Variants in CXCL13 observed in about 807,000 individuals in gnomAD.
CXCL13 encodes the protein C-X-C motif chemokine ligand 13.
In CXCL13, 7 loss-of-function variants were observed where a neutral mutation model predicts 12.2. That is an observed-to-expected ratio of 0.57 (90% CI 0.33 to 1.07). The LOEUF (loss-of-function observed/expected upper bound fraction) is 1.07. Ranked by LOEUF, CXCL13 falls within the 50% of genes least tolerant of loss-of-function variation. CXCL13 has a pLI of 0.04. For synonymous variants in CXCL13, 47 were observed against 42.4 expected (o/e 1.11, Z -0.42); for missense variants, 113 against 127.4 (o/e 0.89, Z 0.55).
At position 77,531,025 on chromosome 4, in the gene CXCL13, G is replaced by T. The variant is rs112850171; in HGVS notation, c.-43+19237G>T. Among the ~76,000 whole-genome samples the T allele has an allele frequency of 3.3e-5, 5 of 151,060 alleles. No individual in the cohort carries two copies. In the South Asian group the frequency reaches 8.4e-4, roughly 25 times the overall value. On this transcript the variant is annotated intron_variant, in intron 1 of 4. Transcript: ENST00000286758. ...ACATCCTTATTTCTGCCTTCATTTC[G>T]TTATGTACCCAGTAGTCATTCAGGA... is the stretch of plus-strand genomic sequence containing the variant.
chr4:77,611,664 T>C lies in CXCL13; in HGVS notation c.*625T>C. 1 of 398,888 alleles carries C rather than the reference T, an allele frequency of 2.5e-6. No homozygotes were observed. The highest frequency in any genetic ancestry group is 4.4e-6 in the Non-Finnish European group (1 of 226,050). 24.7% of individuals were successfully genotyped at this position (398,888 alleles called of 1,614,324 possible). On this transcript the variant is annotated 3_prime_UTR_variant, in exon 4 of 4. Transcript: ENST00000682537. Reference sequence around the variant, plus strand: ...CTCAGGGAAAGCATTTAAAGGGTGATGTACACATGTATCCTTTCACACATT... The same window carrying C: ...CTCAGGGAAAGCATTTAAAGGGTGACGTACACATGTATCCTTTCACACATT...
intron 1 of CXCL13, among the ~76,000 whole-genome samples, chr4:77,567,080 C>T (rs1725957980): frequency 6.6e-6 from 1 of 152,190 alleles, no homozygotes; most frequent in East Asian, 1.9e-4. Context: ...ACAATACACC[C>T]TCTCCACCCT....
chr4:77,561,672 G>T (rs1465096968), intron 1 of CXCL13, among the ~76,000 whole-genome samples: 1 of 152,198 alleles, frequency 6.6e-6, no homozygotes, highest in Non-Finnish European at 1.5e-5. Flanking sequence ...CCAGAGTGCA[G>T]GGGCTGGACT....
chr4:77,558,485 T>G (rs1304457070), intron 1 of CXCL13, among the ~76,000 whole-genome samples: 1 of 152,218 alleles, frequency 6.6e-6, no homozygotes, highest in Non-Finnish European at 1.5e-5. Flanking sequence ...CCCAAGTAAC[T>G]GGGACTACAG....
intron 1 of CXCL13, among the ~76,000 whole-genome samples, chr4:77,566,314 C>T (rs188930030): frequency 3.9e-4 from 59 of 152,256 alleles, no homozygotes; most frequent in Middle Eastern, 6.8e-3. Context: ...TTTACCAGTT[C>T]ATTCAGGGGT....
chr4:77,583,484 C>G (rs1184479077), intron 1 of CXCL13, among the ~76,000 whole-genome samples: 1 of 152,200 alleles, frequency 6.6e-6, no homozygotes, highest in African/African-American at 2.4e-5. Flanking sequence ...GGTTGGAGAA[C>G]AATTTTCCTG....
At chr4:77,606,510 A>T (rs1354006) in intron 1 of CXCL13, among the ~76,000 whole-genome samples, 11,460 of 152,260 alleles carry the variant, frequency 0.075, 1,335 homozygotes, top group African/African-American at 0.25. Context: ...GAAGAAATGG[A>T]TATGTGCAGA....
intron 1 of CXCL13, among the ~76,000 whole-genome samples, chr4:77,549,083 A>C (rs191969005): frequency 6.6e-6 from 1 of 152,022 alleles, no homozygotes; most frequent in Non-Finnish European, 1.5e-5. Context: ...CATTTCATAC[A>C]TTTGATCTTC....
intron 1 of CXCL13, among the ~76,000 whole-genome samples, chr4:77,573,860 A>G (rs1197427184): frequency 6.6e-6 from 1 of 151,846 alleles, no homozygotes; most frequent in Admixed American, 6.6e-5. Flanking sequence ...TGATTTCCTG[A>G]CTTGAATTTT....
chr4:77,550,711 G>C (rs1432638901), intron 1 of CXCL13, among the ~76,000 whole-genome samples: 2 of 151,986 alleles, frequency 1.3e-5, no homozygotes, highest in Non-Finnish European at 2.9e-5. Context: ...CTGTCAGTAG[G>C]GTGTTAAAAT....
intron 1 of CXCL13, among the ~76,000 whole-genome samples, chr4:77,563,227 T>A (rs1725854533): frequency 6.6e-6 from 1 of 152,074 alleles, no homozygotes; most frequent in Admixed American, 6.5e-5. Context: ...AGCCTCATTC[T>A]TGAAGTCAGT....
intron 1 of CXCL13, among the ~76,000 whole-genome samples, chr4:77,516,665 A>AT: frequency 6.6e-6 from 1 of 151,894 alleles, no homozygotes; most frequent in Admixed American, 6.6e-5. Context: ...CCCCTTTATC[A>AT]TTTTTTATTG....
chr4:77,561,076 T>A (rs1296237134), intron 1 of CXCL13, among the ~76,000 whole-genome samples: 1 of 152,214 alleles, frequency 6.6e-6, no homozygotes, highest in African/African-American at 2.4e-5. Flanking sequence ...TTAAACTTTT[T>A]CTGTTTTAGG....
intron 1 of CXCL13, among the ~76,000 whole-genome samples, chr4:77,582,591 G>A (rs1426019466): frequency 6.6e-6 from 1 of 152,186 alleles, no homozygotes; most frequent in African/African-American, 2.4e-5. Context: ...AATACAGAAG[G>A]GGAGAGTGGT....
chr4:77,555,879 A>C (rs2109809627), intron 1 of CXCL13, among the ~76,000 whole-genome samples: 1 of 152,316 alleles, frequency 6.6e-6, no homozygotes, highest in Middle Eastern at 3.4e-3. Context: ...CAACATTTTC[A>C]GCCATAAAGT....
chr4:77,559,688 C>A (rs569014245), intron 1 of CXCL13, among the ~76,000 whole-genome samples: 1 of 152,044 alleles, frequency 6.6e-6, no homozygotes, highest in Middle Eastern at 3.4e-3. Flanking sequence ...TTTGGGAGGC[C>A]GAGGCAGGCA....
chr4:77,534,295 G>A (rs1560517953), intron 1 of CXCL13, among the ~76,000 whole-genome samples: 1 of 152,186 alleles, frequency 6.6e-6, no homozygotes. Context: ...CCTGCACATG[G>A]ATGTTTCTAA....
At chr4:77,559,921 C>CA (rs751894798) in intron 1 of CXCL13, among the ~76,000 whole-genome samples, 5,637 of 76,928 alleles carry the variant, frequency 0.073, 277 homozygotes, top group African/African-American at 0.1. Flanking sequence ...GACTCCATCA[C>CA]AAAAAAAAAA....
chr4:77,564,461 T>C (rs535582583), intron 1 of CXCL13, among the ~76,000 whole-genome samples: 42 of 152,354 alleles, frequency 2.8e-4, no homozygotes, highest in Non-Finnish European at 4.6e-4. Flanking sequence ...AACTAGCTGT[T>C]CTGCATTAGG....
Sources: allele counts gnomAD v4.1 joint callset (sites outside exome capture counted in the v4.1 genomes callset), GRCh38; gene constraint gnomAD v4.1.1; transcripts MANE v1.5; gene names NCBI Gene and HGNC (gene_info 2026-07-23, HGNC 2026-07-21).